The following TMC1 variants were observed in gnomAD, a reference collection of about 807,000 sequenced individuals.
TMC1 encodes transmembrane channel-like protein 1.
A neutral mutation model predicts 105.8 loss-of-function variants in TMC1; 84 were observed. The ratio of observed to expected loss-of-function variants is 0.79; its 90% CI spans 0.67 to 0.95. The LOEUF (loss-of-function observed/expected upper bound fraction) is 0.95. TMC1 is among the 40% of genes least tolerant of loss of function. The probability of loss-of-function intolerance (pLI) is 0.00; values close to 1 mark genes in which losing one functional copy is unlikely to be tolerated. For missense variants in TMC1, 817 were observed against 914.1 expected, an observed-to-expected ratio of 0.89 and a Z score of 1.37; for synonymous variants, 315 against 311.5, an observed-to-expected ratio of 1.01 and a Z score of -0.12.
At chr9:72,576,126 T>C (rs1824375634) in intron 1 of TMC1, among the ~76,000 whole-genome samples, 1 of 152,220 alleles carries the variant, frequency 6.6e-6, no homozygotes. Flanking sequence ...TTCATTAAGA[T>C]GTCAAACTAA....
intron 8 of TMC1, among the ~76,000 whole-genome samples, chr9:72,726,109 G>C (rs926794759): frequency 5.9e-5 from 9 of 152,072 alleles, no homozygotes; most frequent in African/African-American, 2.2e-4. Flanking sequence ...ATAACAAATC[G>C]TGTGAAAGGA....
At chr9:72,769,830 T>C (rs544424849) in intron 12 of TMC1, among the ~76,000 whole-genome samples, 1 of 152,262 alleles carries the variant, frequency 6.6e-6, no homozygotes. Flanking sequence ...TTGGAAGTTG[T>C]GGTGTTGTCC....
intron 17 of TMC1, among the ~76,000 whole-genome samples, chr9:72,797,313 A>C (rs774661315): frequency 3.3e-4 from 50 of 152,360 alleles, no homozygotes; most frequent in Middle Eastern, 3.4e-3. Context: ...TATAGATTCA[A>C]TGCTATTCCC....
intron 8 of TMC1, among the ~76,000 whole-genome samples, chr9:72,717,013 G>A (rs1196210166): frequency 6.6e-6 from 1 of 152,204 alleles, no homozygotes; most frequent in Admixed American, 6.5e-5. Flanking sequence ...GCTAGGAGAG[G>A]GAGTTCCCTG....
Position 72,816,203 on chromosome 9 carries a change from A to G in TMC1, c.1756A>G (p.Met586Val). 6.2e-7 allele frequency: 1 copy of G among 1,613,618 alleles called. No homozygotes were observed. The highest frequency in any genetic ancestry group is 8.5e-7 in the Non-Finnish European group (1 of 1,179,554). Residue 586 changes from methionine to valine, a missense_variant, in exon 19 of 24, where the codon ATG (methionine) becomes GTG (valine). Coordinates refer to ENST00000297784, the MANE Select transcript of TMC1 (RefSeq NM_138691.3). ...NVLALIFNQGMIWMGSFFAPS... is the reference protein window; with the variant it reads ...NVLALIFNQGVIWMGSFFAPS... ...CCTCGCTCTGATCTTCAACCAAGGC[A>G]TGATCTGGTAGGCCAGCTGTTGGAC...
intron 8 of TMC1, among the ~76,000 whole-genome samples, chr9:72,736,329 A>C (rs1167740082): frequency 6.6e-6 from 1 of 152,210 alleles, no homozygotes; most frequent in African/African-American, 2.4e-5. Flanking sequence ...TGAGTTTATA[A>C]TTAATTTTGT....
At chr9:72,744,162 G>A (rs932165870) in intron 10 of TMC1, among the ~76,000 whole-genome samples, 4 of 152,168 alleles carry the variant, frequency 2.6e-5, no homozygotes, top group African/African-American at 9.7e-5. Context: ...CTCATTAATT[G>A]TATCCCCTTC....
At chr9:72,549,029 GAATA>G (rs1380662599) in intron 1 of TMC1, among the ~76,000 whole-genome samples, 1 of 152,084 alleles carries the variant, frequency 6.6e-6, no homozygotes, top group Non-Finnish European at 1.5e-5. Context: ...AATATTTGTG[GAATA>G]AATAAGTGAA....
intron 5 of TMC1, chr9:72,656,172 T>C (rs1825881997): frequency 1.7e-6 from 1 of 587,332 alleles, no homozygotes; most frequent in Non-Finnish European, 3.3e-6. Context: ...TGGGTGTTTT[T>C]CCGGTATCCT....
chr9:72,558,035 T>A (rs190728075), intron 1 of TMC1, among the ~76,000 whole-genome samples: 4 of 152,176 alleles, frequency 2.6e-5, no homozygotes, highest in African/African-American at 9.7e-5. Context: ...TCCCTGGCAC[T>A]GTAAGGGCAG....
In TMC1 at chr9:72,666,354, C is replaced by G. The variant is rs79462242; in HGVS notation, c.16+17690C>G. Among the ~76,000 whole-genome samples the G allele has an allele frequency of 1.3e-3, 204 of 152,182 alleles. 1 individual carries two copies. The highest frequency in any genetic ancestry group is 4.7e-3 in the African/African-American group (195 of 41,508). ...TAATATAGGACCTTCTCTAAGGACA[C>G]TGGGGGAGCACTCTACAGAGGTGGT... On this transcript the variant is annotated intron_variant, in intron 5 of 23. Transcript: ENST00000297784.
At chr9:72,587,284 G>C (rs571275910) in intron 2 of TMC1, among the ~76,000 whole-genome samples, 6 of 151,938 alleles carry the variant, frequency 3.9e-5, no homozygotes, top group African/African-American at 1.4e-4. Context: ...TCAGCCTCCT[G>C]AGTAGCTGGG....
chr9:72,650,304 A>C (rs1039692060), intron 5 of TMC1, among the ~76,000 whole-genome samples: 2 of 152,178 alleles, frequency 1.3e-5, no homozygotes, highest in Non-Finnish European at 2.9e-5. Flanking sequence ...GAAAAAAATG[A>C]TAGACTTGCC....
At chr9:72,824,102 C>T (rs538120153) in intron 20 of TMC1, among the ~76,000 whole-genome samples, 3 of 152,360 alleles carry the variant, frequency 2.0e-5, no homozygotes, top group African/African-American at 4.8e-5. Flanking sequence ...CAAGTGAGTG[C>T]GGGATCTGGC....
chr9:72,779,811 G>A (rs1178324363), intron 13 of TMC1, among the ~76,000 whole-genome samples: 3 of 152,192 alleles, frequency 2.0e-5, no homozygotes, highest in African/African-American at 7.2e-5. Flanking sequence ...AAGAGAGGGG[G>A]AGAGAGAAAG....
intron 2 of TMC1, chr9:72,578,324 G>T (rs1386184640): frequency 6.8e-6 from 1 of 147,318 alleles, no homozygotes; most frequent in Admixed American, 6.7e-5. Flanking sequence ...ATCTCCCTAC[G>T]GGGGCAGAGA....
intron 8 of TMC1, among the ~76,000 whole-genome samples, chr9:72,725,349 A>ATATATATATATATATATATGTG (rs1827100659): frequency 7.6e-6 from 1 of 132,198 alleles, no homozygotes; most frequent in African/African-American, 2.8e-5. Context: ...ATATATATAT[A>ATATATATATATATATATATGTG]TATATATATA....
intron 8 of TMC1, among the ~76,000 whole-genome samples, chr9:72,716,428 G>A (rs1413431010): frequency 2.0e-5 from 3 of 152,212 alleles, no homozygotes; most frequent in East Asian, 3.9e-4. Flanking sequence ...CCCTGACTGG[G>A]GCTGCTGGCT....
At chr9:72,684,705 A>G (rs917311473) in intron 5 of TMC1, among the ~76,000 whole-genome samples, 4 of 152,174 alleles carry the variant, frequency 2.6e-5, no homozygotes, top group Admixed American at 6.5e-5. Flanking sequence ...CTGAAATCCA[A>G]CGGATCTGAT....
Sources: allele counts gnomAD v4.1 joint callset (sites outside exome capture counted in the v4.1 genomes callset), GRCh38; gene constraint gnomAD v4.1.1; transcripts MANE v1.5; gene names NCBI Gene and HGNC (gene_info 2026-07-23, HGNC 2026-07-21).